The following FOXN3 variants were observed in gnomAD, a reference collection of about 807,000 sequenced individuals.
FOXN3 encodes the protein forkhead box protein N3.
Under a neutral mutation model 38.4 loss-of-function variants are expected in FOXN3, and 7 were observed. The observed-to-expected ratio is 0.18, with a 90% CI of 0.10 to 0.34. The LOEUF (loss-of-function observed/expected upper bound fraction) is 0.34. Among genes scored for constraint, FOXN3 ranks in the 10% least tolerant of loss-of-function variants. The pLI, the probability that FOXN3 is intolerant of heterozygous loss-of-function variation, is 1.00. For synonymous variants in FOXN3, 230 were observed against 242.2 expected (o/e 0.95, Z 0.47); for missense variants, 456 against 613.4 (o/e 0.74, Z 2.71).
intron 2 of FOXN3, among the ~76,000 whole-genome samples, chr14:89,380,427 G>T (rs1890611272): frequency 6.6e-6 from 1 of 152,162 alleles, no homozygotes; most frequent in Non-Finnish European, 1.5e-5. Context: ...ATTTCACAGG[G>T]ATACCAAAGG....
At position 89,548,719 on chromosome 14, in the gene FOXN3, C is replaced by G. The variant is rs1052132697; in HGVS notation, c.-15+70309G>C. Among the ~76,000 whole-genome samples the G allele has an allele frequency of 2.0e-5, 3 of 152,124 alleles. No individual in the cohort carries two copies. The highest frequency in any genetic ancestry group is 7.2e-5 in the African/African-American group (3 of 41,410). ...TGTATGTATATATGCCTATATATTA[C>G]AAGATCTAGGTAGCCTAACACAATT... On this transcript the variant is annotated intron_variant, in intron 1 of 6. Coordinates refer to the FOXN3 transcript ENST00000345097. The surrounding 1 kb of genome is among the most constrained non-coding windows in gnomAD (Gnocchi z 4.8).
intron 3 of FOXN3, among the ~76,000 whole-genome samples, chr14:89,328,950 A>G (rs970207456): frequency 6.6e-6 from 1 of 152,228 alleles, no homozygotes; most frequent in Non-Finnish European, 1.5e-5. Context: ...GAAGGAAAAG[A>G]GGACAAGTAG....
rs149636253 is a variant in FOXN3 at position 89,519,177 on chromosome 14, C to G, written c.-15+99851G>C. Among the ~76,000 whole-genome samples the G allele has an allele frequency of 1.1e-4, 17 of 152,296 alleles. No homozygotes were observed. The East Asian group carries it at 2.7e-3, about 24-fold the overall frequency. ...GTCAGACGAGTGGGCTAAGCCCCAG[C>G]TGCAGATGCCTGCGGTAGCACAGAC... On this transcript the variant is annotated intron_variant, in intron 1 of 6. Coordinates refer to the FOXN3 transcript ENST00000345097.
chr14:89,430,008 TTA>T (rs2140112920), intron 1 of FOXN3, among the ~76,000 whole-genome samples: 1 of 152,374 alleles, frequency 6.6e-6, no homozygotes, highest in South Asian at 2.1e-4. Flanking sequence ...TTAATCAAGT[TTA>T]AGCAGACACA....
In FOXN3 at chr14:89,309,632, T is replaced by C. The variant is rs1887474016; in HGVS notation, c.681-28618A>G. Among the ~76,000 whole-genome samples, 2 of 152,138 alleles carry C rather than the reference T, an allele frequency of 1.3e-5. 1 individual carries two copies. The highest frequency in any genetic ancestry group is 4.1e-4 in the South Asian group (2 of 4,832). ...GCCCAGGGGGGTCTCTGGAGTCTGCTCTCTGCCCTCTGGGTGTGCGTTTTA... is the reference window on the plus strand; with the variant it reads ...GCCCAGGGGGGTCTCTGGAGTCTGCCCTCTGCCCTCTGGGTGTGCGTTTTA... On this transcript the variant is annotated intron_variant, in intron 3 of 5. Coordinates refer to ENST00000557258, the MANE Select transcript of FOXN3 (RefSeq NM_005197.4).
chr14:89,518,162 T>C (rs757906789), intron 1 of FOXN3, among the ~76,000 whole-genome samples: 1 of 152,196 alleles, frequency 6.6e-6, no homozygotes, highest in Non-Finnish European at 1.5e-5. Flanking sequence ...AGACATCACC[T>C]GGGCATGTGT....
At chr14:89,524,707 T>C (rs1304057377) in intron 1 of FOXN3, among the ~76,000 whole-genome samples, 3 of 152,114 alleles carry the variant, frequency 2.0e-5, no homozygotes, top group Admixed American at 6.6e-5. Flanking sequence ...TTAAATTTAG[T>C]TGACAAATTC....
intron 3 of FOXN3, among the ~76,000 whole-genome samples, chr14:89,303,942 A>G (rs1021648063): frequency 6.6e-6 from 1 of 152,184 alleles, no homozygotes; most frequent in African/African-American, 2.4e-5. Context: ...TTTGAAGAAG[A>G]GATTTACACA....
At chr14:89,550,066 A>G (rs890432653) in intron 1 of FOXN3, among the ~76,000 whole-genome samples, 4 of 152,244 alleles carry the variant, frequency 2.6e-5, no homozygotes, top group African/African-American at 7.2e-5. Context: ...GATGAAGAAC[A>G]GGAGAACTAC....
intron 5 of FOXN3, among the ~76,000 whole-genome samples, chr14:89,170,205 A>G (rs1396509781): frequency 6.6e-6 from 1 of 152,216 alleles, no homozygotes; most frequent in East Asian, 1.9e-4. Flanking sequence ...AAATACCTTC[A>G]AAATATATAT....
At chr14:89,423,204 T>C (rs1350864511) in intron 1 of FOXN3, among the ~76,000 whole-genome samples, 1 of 152,046 alleles carries the variant, frequency 6.6e-6, no homozygotes, top group African/African-American at 2.4e-5. Context: ...CCAAGACCAG[T>C]AGTGGGGAGG....
chr14:89,291,084 T>C, intron 3 of FOXN3: 1 of 506,622 alleles, frequency 2.0e-6, no homozygotes, highest in South Asian at 1.4e-5. Flanking sequence ...ACGGTGTAAA[T>C]CATGTTTGTA....
At chr14:89,258,049 C>T (rs904772003) in intron 4 of FOXN3, among the ~76,000 whole-genome samples, 2 of 152,078 alleles carry the variant, frequency 1.3e-5, no homozygotes, top group Admixed American at 6.5e-5. Flanking sequence ...CTGGGAATGA[C>T]CAACCATCCT....
chr14:89,261,358 A>G (rs1885794441), intron 4 of FOXN3, among the ~76,000 whole-genome samples: 4 of 152,224 alleles, frequency 2.6e-5, no homozygotes. Flanking sequence ...GCTGCTAGCA[A>G]GCAGAAACGC....
At chr14:89,223,737 T>A (rs1884544402) in intron 4 of FOXN3, among the ~76,000 whole-genome samples, 1 of 152,192 alleles carries the variant, frequency 6.6e-6, no homozygotes, top group South Asian at 2.1e-4. Flanking sequence ...GGTGTGGAAG[T>A]CAGGGGGAGA....
chr14:89,254,165 T>A (rs1885546870), intron 4 of FOXN3, among the ~76,000 whole-genome samples: 1 of 152,214 alleles, frequency 6.6e-6, no homozygotes. Flanking sequence ...TAATGGCCCC[T>A]TCCTCACACG....
At chr14:89,517,958 T>C (rs1227588709) in intron 1 of FOXN3, among the ~76,000 whole-genome samples, 9 of 152,152 alleles carry the variant, frequency 5.9e-5, no homozygotes, top group African/African-American at 2.2e-4. Context: ...TTTGTACACA[T>C]CCAATTATTT....
chr14:89,352,631 C>A (rs1270264758), intron 2 of FOXN3, among the ~76,000 whole-genome samples: 14 of 152,180 alleles, frequency 9.2e-5, no homozygotes, highest in Admixed American at 9.2e-4. Flanking sequence ...AGGGCCATGG[C>A]TGACATGTGA....
rs914939437 is a variant in FOXN3, at chr14:89,302,854, G to A, written c.681-21840C>T. On this transcript the variant is annotated intron_variant, in intron 3 of 5. Coordinates refer to ENST00000557258, the MANE Select transcript of FOXN3 (RefSeq NM_005197.4). ...CCCTCTTCAAAGGCATTGTTCAAAG[G>A]AGTCACAGGCCACCAAGTTTTAGTA... 2.0e-5 allele frequency among the ~76,000 whole-genome samples: 3 copies of A among 152,220 alleles called. No homozygotes were observed. The South Asian group carries it at 6.2e-4, about 32-fold the overall frequency.
Sources: gnomAD v4.1 joint callset for allele counts (sites outside exome capture counted in the v4.1 genomes callset) on GRCh38, gnomAD v4.1.1 for gene constraint, Gnocchi (gnomAD v3.1) non-coding constraint, MANE v1.5 for transcripts, NCBI Gene and HGNC (gene_info 2026-07-23, HGNC 2026-07-21) for gene names.